Variants in ADGRL3 observed in about 807,000 individuals in gnomAD.
The protein encoded by ADGRL3 is calcium-independent alpha-latrotoxin receptor 3.
Under a neutral mutation model 153.5 loss-of-function variants are expected in ADGRL3, and 62 were observed. The observed-to-expected ratio is 0.40, with a 90% CI of 0.33 to 0.50. The LOEUF is 0.50. Among genes scored for constraint, ADGRL3 ranks in the 20% least tolerant of loss-of-function variants. The pLI is 0.47. For synonymous variants in ADGRL3, 710 were observed against 672.5 expected (o/e 1.06, Z -0.86); for missense variants, 1,641 against 1,859.4 (o/e 0.88, Z 2.16).
At chr4:61,211,516 AAAAG>A (rs1338394267) in intron 1 of ADGRL3, 2 of 152,232 alleles carry the variant, frequency 1.3e-5, no homozygotes, top group African/African-American at 4.8e-5. Context: ...TGTTCACACA[AAAAG>A]AAAGAGGTGC....
intron 1 of ADGRL3, among the ~76,000 whole-genome samples, chr4:61,223,169 C>A (rs889789153): frequency 1.3e-5 from 2 of 152,102 alleles, no homozygotes; most frequent in African/African-American, 4.8e-5. Flanking sequence ...CTTCAGAAAG[C>A]AAGTTTTGAA....
At position 61,485,296 on chromosome 4, in the gene ADGRL3, G is replaced by T. The variant is rs147224457; in HGVS notation, c.-173-11825G>T. Reference sequence around the variant, plus strand: ...GCGATATTTTGTGAATTGCAAAAGAGACCACATTTCTTTCATAATCTCAAG... The same window carrying T: ...GCGATATTTTGTGAATTGCAAAAGATACCACATTTCTTTCATAATCTCAAG... On this transcript the variant is annotated intron_variant, in intron 2 of 26. Transcript: ENST00000683033. Among the ~76,000 whole-genome samples the T allele has an allele frequency of 8.7e-3, 1,329 of 152,238 alleles. 37 individuals are homozygous for T. Among genetic ancestry groups the T allele is most frequent in the Admixed American group, 0.05 (762 of 15,282 alleles).
intron 15 of ADGRL3, among the ~76,000 whole-genome samples, chr4:61,939,951 C>T (rs557300156): frequency 2.7e-5 from 4 of 150,202 alleles, no homozygotes; most frequent in Non-Finnish European, 4.4e-5. Context: ...TTATTATACT[C>T]TAAGTTTTAG....
intron 4 of ADGRL3, among the ~76,000 whole-genome samples, chr4:61,525,384 A>G (rs1335418892): frequency 1.3e-5 from 2 of 152,104 alleles, no homozygotes; most frequent in African/African-American, 4.8e-5. Flanking sequence ...GTCTAATTTA[A>G]CCAACAACAA....
intron 9 of ADGRL3, among the ~76,000 whole-genome samples, chr4:61,887,950 C>T (rs941391857): frequency 3.3e-5 from 5 of 152,170 alleles, no homozygotes; most frequent in South Asian, 2.1e-4. Context: ...AGTTATAACT[C>T]GTAATAGCAT....
rs185851662 is a variant in ADGRL3 at position 61,237,575 on chromosome 4, G to A, written c.-240+35810G>A. ...AAATATAACCCCAGTCTGCACTTGA[G>A]GTGTTCTGAATACTGATAAGGACCA... is the stretch of plus-strand genomic sequence containing the variant. On this transcript the variant is annotated intron_variant, in intron 1 of 26. Transcript: ENST00000683033. Among the ~76,000 whole-genome samples the A allele has an allele frequency of 2.5e-3, 379 of 152,180 alleles. 4 individuals are homozygous for A. Among genetic ancestry groups the A allele is most frequent in the Non-Finnish European group, 1.8e-3 (120 of 67,996 alleles).
chr4:62,074,209 C>T lies in ADGRL3; in HGVS notation c.*3301C>T, dbSNP rs1746470613. 6.6e-6 allele frequency: 1 copy of T among 151,962 alleles called. No individual in the cohort carries two copies. Among genetic ancestry groups the T allele is most frequent in the Admixed American group, 6.6e-5 (1 of 15,240 alleles). 9.4% of individuals were successfully genotyped at this position (151,962 alleles called of 1,614,324 possible). A position where few individuals can be genotyped will look rare whatever the true frequency, so the allele number is the denominator to read the frequency against. ...TGAATTTCCAGTAAGAAGTAAATTT[C>T]CGTCAAACAGATGTAGTATACCGCT... is the stretch of plus-strand genomic sequence containing the variant. On this transcript the variant is annotated 3_prime_UTR_variant, in exon 27 of 27. Transcript: ENST00000683033.
chr4:61,463,146 A>G, intron 2 of ADGRL3, among the ~76,000 whole-genome samples: 1 of 152,192 alleles, frequency 6.6e-6, no homozygotes, highest in East Asian at 1.9e-4. Flanking sequence ...ATGACCTGCA[A>G]TAGTCAGACA....
At chr4:61,722,292 A>G (rs2096256112) in intron 6 of ADGRL3, among the ~76,000 whole-genome samples, 1 of 152,234 alleles carries the variant, frequency 6.6e-6, no homozygotes, top group African/African-American at 2.4e-5. Context: ...TGTCTCTACC[A>G]GAGCTCTTGA....
At chr4:61,316,891 T>C (rs2095231938) in intron 1 of ADGRL3, among the ~76,000 whole-genome samples, 2 of 152,226 alleles carry the variant, frequency 1.3e-5, no homozygotes, top group Admixed American at 1.3e-4. Flanking sequence ...TATTATTTTT[T>C]TTGTGACATG....
At chr4:61,702,910 CATTTG>C (rs2095793616) in intron 6 of ADGRL3, among the ~76,000 whole-genome samples, 1 of 152,082 alleles carries the variant, frequency 6.6e-6, no homozygotes, top group African/African-American at 2.4e-5. Flanking sequence ...TAGTTATATT[CATTTG>C]ATATAATTTG....
intron 6 of ADGRL3, 27 bp downstream of exon 6, chr4:61,676,962 G>T: frequency 7.0e-7 from 1 of 1,423,556 alleles, no homozygotes; most frequent in Non-Finnish European, 9.9e-7. Context: ...ACTTTTCTTG[G>T]CAAGAGAAAA....
chr4:61,675,753 A>T (rs532880792), intron 5 of ADGRL3, among the ~76,000 whole-genome samples: 4 of 151,964 alleles, frequency 2.6e-5, no homozygotes, highest in Non-Finnish European at 5.9e-5. Flanking sequence ...TAATAATCAC[A>T]TCAGGGTAAA....
intron 6 of ADGRL3, among the ~76,000 whole-genome samples, chr4:61,686,711 C>T (rs1017243712): frequency 4.6e-5 from 7 of 152,044 alleles, no homozygotes; most frequent in Non-Finnish European, 1.0e-4. Flanking sequence ...AGTCACCGTC[C>T]TGTGCAATAG....
intron 24 of ADGRL3, among the ~76,000 whole-genome samples, chr4:62,041,611 A>G (rs1362186169): frequency 6.6e-6 from 1 of 151,820 alleles, no homozygotes; most frequent in Non-Finnish European, 1.5e-5. Flanking sequence ...AAGGCTCCTA[A>G]ATTTTGTTTT....
At chr4:61,989,699 A>T (rs1231280859) in intron 19 of ADGRL3, among the ~76,000 whole-genome samples, 2 of 152,024 alleles carry the variant, frequency 1.3e-5, no homozygotes, top group Non-Finnish European at 1.5e-5. Flanking sequence ...TATATCAGAG[A>T]TCATCAGGAC....
At chr4:61,996,897 A>G (rs6824673) in intron 20 of ADGRL3, among the ~76,000 whole-genome samples, 16,082 of 152,168 alleles carry the variant, frequency 0.11, 1,089 homozygotes, top group African/African-American at 0.19. Flanking sequence ...GATCCATAAT[A>G]TTCTGATTTC....
At chr4:61,425,304 A>T (rs905649841) in intron 2 of ADGRL3, 10 of 152,246 alleles carry the variant, frequency 6.6e-5, no homozygotes, top group African/African-American at 2.4e-4. Context: ...CCCCTATCCA[A>T]AGTTTACCAT....
intron 2 of ADGRL3, among the ~76,000 whole-genome samples, chr4:61,403,884 G>T (rs2096960907): frequency 6.6e-6 from 1 of 151,970 alleles, no homozygotes; most frequent in Non-Finnish European, 1.5e-5. Context: ...CCACACATTT[G>T]GTGACCAGAA....
Sources: gnomAD v4.1 joint callset for allele counts (sites outside exome capture counted in the v4.1 genomes callset) on GRCh38, gnomAD v4.1.1 for gene constraint, MANE v1.5 for transcripts, NCBI Gene and HGNC (gene_info 2026-07-23, HGNC 2026-07-21) for gene names.